Variants in CDH13 observed in about 807,000 individuals in gnomAD.
CDH13 encodes the protein cadherin-13.
A neutral mutation model predicts 63.8 loss-of-function variants in CDH13; 24 were observed. The observed-to-expected ratio is 0.38, with a 90% confidence interval of 0.27 to 0.53. CDH13 has a LOEUF of 0.53. CDH13 is among the 20% of genes least tolerant of loss of function. CDH13 has a pLI of 0.85. For missense variants in CDH13, 1,049 were observed against 903.1 expected, an observed-to-expected ratio of 1.16 and a Z score of -2.07; for synonymous variants, 503 against 355.3, an observed-to-expected ratio of 1.42 and a Z score of -4.67.
intron 2 of CDH13, among the ~76,000 whole-genome samples, chr16:82,920,184 ACTTCGT>A (rs1326788993): frequency 1.3e-5 from 2 of 152,138 alleles, no homozygotes; most frequent in Non-Finnish European, 2.9e-5. Context: ...CTCCACCAGG[ACTTCGT>A]CTTCATCTCT....
At chr16:83,767,865 C>G (rs992522341) in intron 11 of CDH13, among the ~76,000 whole-genome samples, 1 of 152,046 alleles carries the variant, frequency 6.6e-6, no homozygotes, top group Non-Finnish European at 1.5e-5. Context: ...AGAGTTAGTA[C>G]AAATTGGCCC....
rs80355210 is a variant in CDH13 at position 82,686,608 on chromosome 16, C to G, written c.45+59471C>G. On this transcript the variant is annotated intron_variant, in intron 1 of 13. Coordinates refer to ENST00000567109, the MANE Select transcript of CDH13 (RefSeq NM_001257.5). ...TTAATCACTCTGGCCTTCGGTTTTT[C>G]AGCTCTAAAAATGAGAATATTCCTT... Among the ~76,000 whole-genome samples, 65 of 152,330 alleles carry G rather than the reference C, an allele frequency of 4.3e-4. No homozygotes were observed. The East Asian group carries it at 0.012, about 27-fold the overall frequency.
At chr16:83,238,264 G>T (rs1173829202) in intron 5 of CDH13, among the ~76,000 whole-genome samples, 4 of 151,990 alleles carry the variant, frequency 2.6e-5, no homozygotes, top group African/African-American at 9.7e-5. Flanking sequence ...AGTTCCACAT[G>T]TCTGGGGAGG....
intron 2 of CDH13, among the ~76,000 whole-genome samples, chr16:82,903,438 C>A (rs2041535307): frequency 6.6e-6 from 1 of 152,168 alleles, no homozygotes; most frequent in Non-Finnish European, 1.5e-5. Flanking sequence ...AAGTGGGAGC[C>A]CTAGCTCATG....
At chr16:83,491,570 T>G (rs1345421165) in intron 7 of CDH13, among the ~76,000 whole-genome samples, 2 of 65,426 alleles carry the variant, frequency 3.1e-5, no homozygotes, top group Admixed American at 1.7e-4. Flanking sequence ...TGGTCAGGGT[T>G]TTTTTTTTTT....
At chr16:83,030,439 C>T (rs374673512) in intron 2 of CDH13, among the ~76,000 whole-genome samples, 5 of 151,934 alleles carry the variant, frequency 3.3e-5, no homozygotes, top group East Asian at 3.9e-4. Context: ...GTCGGGAGTT[C>T]GAGACCAGTC....
At chr16:82,710,102 T>A (rs2022649119) in intron 1 of CDH13, among the ~76,000 whole-genome samples, 1 of 148,374 alleles carries the variant, frequency 6.7e-6, no homozygotes, top group Admixed American at 6.8e-5. Context: ...TGTAAATACA[T>A]TTAAATATAT....
chr16:83,629,571 C>G (rs1052397524), intron 8 of CDH13, among the ~76,000 whole-genome samples: 1 of 152,230 alleles, frequency 6.6e-6, no homozygotes, highest in Non-Finnish European at 1.5e-5. Context: ...AAGCCATCAT[C>G]TAAATTCATA....
At chr16:83,076,516 C>A (rs1453905714) in intron 3 of CDH13, among the ~76,000 whole-genome samples, 2 of 152,080 alleles carry the variant, frequency 1.3e-5, no homozygotes, top group Non-Finnish European at 2.9e-5. Context: ...TTATTGTGAA[C>A]ATTTTCAAAC....
chr16:83,072,186 G>T (rs1243005986), intron 3 of CDH13, among the ~76,000 whole-genome samples: 2 of 152,116 alleles, frequency 1.3e-5, no homozygotes, highest in Admixed American at 6.6e-5. Flanking sequence ...CTCAATTTGG[G>T]TGCTAAACCT....
chr16:83,201,770 A>T (rs1048270760), intron 4 of CDH13, among the ~76,000 whole-genome samples: 5 of 151,428 alleles, frequency 3.3e-5, no homozygotes, highest in African/African-American at 1.2e-4. Context: ...ACAAAAAATT[A>T]GCCGGGCGTG....
intron 2 of CDH13, among the ~76,000 whole-genome samples, chr16:82,945,932 C>G (rs984048787): frequency 2.0e-5 from 3 of 152,068 alleles, no homozygotes; most frequent in African/African-American, 7.2e-5. Context: ...CTGTCATTTC[C>G]TCTGTGAATT....
chr16:83,459,380 T>C (rs2073114448), intron 6 of CDH13, among the ~76,000 whole-genome samples: 1 of 152,226 alleles, frequency 6.6e-6, no homozygotes, highest in African/African-American at 2.4e-5. Flanking sequence ...TATAAATAAT[T>C]GACTCTCCCA....
At chr16:82,633,462 C>T (rs1267178711) in intron 1 of CDH13, among the ~76,000 whole-genome samples, 1 of 152,228 alleles carries the variant, frequency 6.6e-6, no homozygotes, top group African/African-American at 2.4e-5. Flanking sequence ...TCACTGCAAC[C>T]TCCACCTCCA....
chr16:82,775,199 T>C (rs1311972869), intron 1 of CDH13, among the ~76,000 whole-genome samples: 4 of 152,138 alleles, frequency 2.6e-5, no homozygotes, highest in Non-Finnish European at 4.4e-5. Context: ...AGTGAATAGA[T>C]AAATGCATGT....
intron 5 of CDH13, among the ~76,000 whole-genome samples, chr16:83,323,305 C>T (rs189523105): frequency 3.2e-5 from 4 of 123,186 alleles, no homozygotes; most frequent in Admixed American, 8.6e-5. Flanking sequence ...GAGGGAGTTT[C>T]GCTTTTTTTG....
At position 83,081,706 on chromosome 16, in the gene CDH13, A is replaced by AG. The variant is rs1491385504; in HGVS notation, c.367-43679_367-43678insG. Among the ~76,000 whole-genome samples, 258 of 151,674 alleles carry AG rather than the reference A, an allele frequency of 1.7e-3. 1 individual carries two copies. The highest frequency in any genetic ancestry group is 3.2e-3 in the African/African-American group (132 of 41,352). ...ACAGTAAAGAGAGAGAGAGAGAGAG[A>AG]AAGAGAGAGAGAGAAAGAGCTCGCA... On this transcript the variant is annotated intron_variant, in intron 3 of 13. Coordinates refer to ENST00000567109, the MANE Select transcript of CDH13 (RefSeq NM_001257.5).
In CDH13 at chr16:83,308,875, T is replaced by G. The variant is rs192579051; in HGVS notation, c.637-35987T>G. ...TACTAAGATGCTGAAACTTAAAGAA[T>G]GAAAACCATCAACTAGAAGAGAGTA... On this transcript the variant is annotated intron_variant, in intron 5 of 13. Transcript: ENST00000567109. 1.0e-3 allele frequency among the ~76,000 whole-genome samples: 158 copies of G among 152,340 alleles called. 1 individual carries two copies. The highest frequency in any genetic ancestry group is 3.6e-3 in the African/African-American group (149 of 41,570).
chr16:82,736,157 G>A (rs542929915), intron 1 of CDH13, among the ~76,000 whole-genome samples: 1 of 152,290 alleles, frequency 6.6e-6, no homozygotes, highest in African/African-American at 2.4e-5. Context: ...CTTAGGGACT[G>A]GTCAAAATCT....
Sources: allele counts gnomAD v4.1 joint callset (sites outside exome capture counted in the v4.1 genomes callset), GRCh38; gene constraint gnomAD v4.1.1; transcripts MANE v1.5; gene names NCBI Gene and HGNC (gene_info 2026-07-23, HGNC 2026-07-21).